Variants in CPAMD8 observed in about 807,000 individuals in gnomAD.
CPAMD8 encodes the protein C3 and PZP like alpha-2-macroglobulin domain containing 8.
Under a neutral mutation model 224.7 loss-of-function variants are expected in CPAMD8, and 146 were observed. The ratio of observed to expected loss-of-function variants is 0.65; its 90% CI spans 0.57 to 0.75. The LOEUF (loss-of-function observed/expected upper bound fraction) is 0.75. CPAMD8 is among the 30% of genes least tolerant of loss of function. The pLI is 0.00. For synonymous variants in CPAMD8, 966 were observed against 1,044.6 expected (o/e 0.92, Z 1.45); for missense variants, 2,301 against 2,537.5 (o/e 0.91, Z 2.00).
chr19:16,957,834 A>C lies in CPAMD8; in HGVS notation c.2276+19T>G. On this transcript the variant is annotated intron_variant, in intron 19 of 41. Coordinates refer to ENST00000443236, the MANE Select transcript of CPAMD8 (RefSeq NM_015692.5). ...CACTCAACCGGCAAAGTCAGCGCAG[A>C]AAAGAAATCTTAATGTACCTGATGT... The C allele has an allele frequency of 6.2e-7, 1 of 1,613,582 alleles. No individual in the cohort carries two copies. The highest frequency in any genetic ancestry group is 8.5e-7 in the Non-Finnish European group (1 of 1,179,760).
intron 39 of CPAMD8, 108 bp from the exon 40 acceptor site, chr19:16,896,773 C>T: frequency 1.3e-6 from 1 of 743,304 alleles, no homozygotes; most frequent in East Asian, 3.4e-5. Context: ...CCACTACCCC[C>T]TCGGTGGGTC....
At chr19:16,913,036 C>T (rs1215610888) in intron 29 of CPAMD8, among the ~76,000 whole-genome samples, 1 of 152,214 alleles carries the variant, frequency 6.6e-6, no homozygotes, top group Non-Finnish European at 1.5e-5. Context: ...TGCAGACATG[C>T]AACGTCTCAA....
In CPAMD8 at chr19:17,011,611, C is replaced by T. The variant is rs2056653177; in HGVS notation, c.414G>A (p.Val138=). 18 of 1,614,188 alleles carry T rather than the reference C, an allele frequency of 1.1e-5. No individual in the cohort carries two copies. Among genetic ancestry groups the T allele is most frequent in the Non-Finnish European group, 1.5e-5 (18 of 1,180,038 alleles). ...ACTCACCTCGGTGCTGGGGTCTGTACACAGGCTTGTCCGTCTGGATGAATA... is the reference window on the plus strand; with the variant it reads ...ACTCACCTCGGTGCTGGGGTCTGTATACAGGCTTGTCCGTCTGGATGAATA... The part of the protein sequence containing the change: ...ASVFIQTDKP[V]YRPQHRVLIS... Residue 138 remains valine (V), a synonymous_variant, in exon 4 of 42, where the codon GTG becomes GTA. Coordinates refer to ENST00000443236, the MANE Select transcript of CPAMD8 (RefSeq NM_015692.5).
At chr19:16,940,906 C>T (rs890020609) in intron 22 of CPAMD8, among the ~76,000 whole-genome samples, 4 of 152,176 alleles carry the variant, frequency 2.6e-5, no homozygotes, top group Non-Finnish European at 1.5e-5. Flanking sequence ...ATGGGCAGGG[C>T]TAGGCCATTG....
rs1010261364 is a variant in CPAMD8, at chr19:16,957,007, A to G, written c.2276+846T>C. On this transcript the variant is annotated intron_variant, in intron 19 of 41. Transcript: ENST00000443236. Reference sequence around the variant, plus strand: ...GAAAAAATTTTTTAACAATAAAAAAAGCTCACCAGACATCCAGAAAGTAGA... The same window carrying G: ...GAAAAAATTTTTTAACAATAAAAAAGGCTCACCAGACATCCAGAAAGTAGA... Among the ~76,000 whole-genome samples, 3 of 152,322 alleles carry G rather than the reference A, an allele frequency of 2.0e-5. No homozygotes were observed. The East Asian group carries it at 5.8e-4, about 29-fold the overall frequency.
chr19:17,004,445 G>C, intron 7 of CPAMD8, 59 bp from the exon 8 acceptor site: 1 of 1,120,710 alleles, frequency 8.9e-7, no homozygotes, highest in East Asian at 2.4e-5. Context: ...GTGAGGTACG[G>C]GAAGAGGGAG....
At chr19:16,977,287 T>G (rs748482183) in intron 15 of CPAMD8, 81 bp downstream of exon 15, 98 of 857,102 alleles carry the variant, frequency 1.1e-4, no homozygotes, top group Non-Finnish European at 1.7e-4. Flanking sequence ...GTCTCAGGTG[T>G]GCACAGACCC....
chr19:16,914,635 G>T (rs746409337), intron 28 of CPAMD8, 22 bp downstream of exon 28: 1 of 1,613,812 alleles, frequency 6.2e-7, no homozygotes, highest in South Asian at 1.1e-5. Flanking sequence ...GGCCCGGGAA[G>T]GAGGCTCAAG....
At chr19:17,020,013 T>C (rs1439077524) in intron 3 of CPAMD8, among the ~76,000 whole-genome samples, 3 of 149,960 alleles carry the variant, frequency 2.0e-5, no homozygotes, top group Non-Finnish European at 3.0e-5. Context: ...TTACTCTTGT[T>C]GCCCAGGCTG....
At chr19:16,918,428 T>A (rs556761308) in intron 27 of CPAMD8, among the ~76,000 whole-genome samples, 92 of 149,646 alleles carry the variant, frequency 6.1e-4, no homozygotes, top group African/African-American at 2.2e-3. Flanking sequence ...TGGAACTTTG[T>A]GGAATTTTTA....
At chr19:16,956,182 T>G (rs1315898710) in intron 19 of CPAMD8, among the ~76,000 whole-genome samples, 2 of 152,006 alleles carry the variant, frequency 1.3e-5, no homozygotes, top group African/African-American at 4.8e-5. Context: ...CCACATGGTC[T>G]CATACTCCCT....
chr19:16,990,761 G>C (rs2055913529), intron 12 of CPAMD8, among the ~76,000 whole-genome samples: 1 of 150,596 alleles, frequency 6.6e-6, no homozygotes, highest in Non-Finnish European at 1.5e-5. Context: ...TACTTGGGAG[G>C]CTGAGGCAGG....
At chr19:16,925,049 C>G in intron 26 of CPAMD8, 147 bp downstream of exon 26, 1 of 767,898 alleles carries the variant, frequency 1.3e-6, no homozygotes, top group Non-Finnish European at 2.2e-6. Context: ...GTGACAAGAT[C>G]AGGGCCACCC....
In CPAMD8 at chr19:17,011,777, C is replaced by T. The variant is rs770118621; in HGVS notation, c.268-20G>A. ...GGGCACCTGCAGGCAGAGGAAGGAG[C>T]TTTGGGACAAGAATTCACCCTGGAA... On this transcript the variant is annotated intron_variant, in intron 3 of 41. Transcript: ENST00000443236. The T allele has an allele frequency of 6.2e-7, 1 of 1,608,038 alleles. No individual in the cohort carries two copies. Among genetic ancestry groups the T allele is most frequent in the East Asian group, 2.2e-5 (1 of 44,844 alleles).
At chr19:16,975,919 T>G in intron 16 of CPAMD8, 83 bp downstream of exon 16, 1 of 1,330,514 alleles carries the variant, frequency 7.5e-7, no homozygotes, top group Non-Finnish European at 9.9e-7. Context: ...CTTCATTTAT[T>G]GGAATGAGAG....
intron 18 of CPAMD8, among the ~76,000 whole-genome samples, chr19:16,970,218 G>A: frequency 8.7e-6 from 1 of 115,458 alleles, no homozygotes; most frequent in Non-Finnish European, 1.6e-5. Context: ...CAGCCTGGGA[G>A]ACAGAGCAAG....
At chr19:16,904,979 G>A (rs1264353738) in intron 30 of CPAMD8, among the ~76,000 whole-genome samples, 2 of 152,194 alleles carry the variant, frequency 1.3e-5, no homozygotes, top group Non-Finnish European at 2.9e-5. Flanking sequence ...AGTGGCTCAC[G>A]CCTGTAATCC....
In CPAMD8 at chr19:16,922,588, A is replaced by G. The variant is rs142868530; in HGVS notation, c.3548-602T>C. On this transcript the variant is annotated intron_variant, in intron 26 of 41. Transcript: ENST00000443236. ...CCACAGCACATCTGGGGTCCCCGAA[A>G]CTGCTCCACATCACATCTAGAGTTC... Among the ~76,000 whole-genome samples the G allele has an allele frequency of 3.4e-3, 503 of 149,044 alleles. 3 individuals carry two copies. The highest frequency in any genetic ancestry group is 9.5e-3 in the African/African-American group (378 of 39,924).
chr19:16,923,220 G>A (rs1370612950), intron 26 of CPAMD8, among the ~76,000 whole-genome samples: 3 of 152,250 alleles, frequency 2.0e-5, no homozygotes, highest in African/African-American at 4.8e-5. Context: ...CATGGGTGGC[G>A]TGTGAGTAGG....
Sources: allele counts gnomAD v4.1 joint callset (sites outside exome capture counted in the v4.1 genomes callset), GRCh38; gene constraint gnomAD v4.1.1; transcripts MANE v1.5; gene names NCBI Gene and HGNC (gene_info 2026-07-23, HGNC 2026-07-21).